The following MOB3B variants were observed in gnomAD, a reference collection of about 807,000 sequenced individuals.
The protein encoded by MOB3B is MOB kinase activator-like 2B.
MOB3B carries 7 observed loss-of-function variants against 18.7 expected under a neutral mutation model. The observed-to-expected ratio is 0.37, with a 90% CI of 0.21 to 0.70. MOB3B has a LOEUF of 0.70. Among genes scored for constraint, MOB3B ranks in the 30% least tolerant of loss-of-function variants. The pLI is 0.52. For missense variants in MOB3B, 253 were observed against 281.3 expected, an observed-to-expected ratio of 0.90 and a Z score of 0.72; for synonymous variants, 111 against 99.9, an observed-to-expected ratio of 1.11 and a Z score of -0.66.
chr9:27,481,956 T>C (rs1819664574), intron 1 of MOB3B, among the ~76,000 whole-genome samples: 1 of 152,166 alleles, frequency 6.6e-6, no homozygotes, highest in South Asian at 2.1e-4. Flanking sequence ...CATGAATTTT[T>C]TTTTAAAAAG....
chr9:27,518,813 G>A (rs909416896), intron 1 of MOB3B, among the ~76,000 whole-genome samples: 6 of 152,154 alleles, frequency 3.9e-5, no homozygotes, highest in Non-Finnish European at 7.3e-5. Context: ...TGCCTATACA[G>A]GTTATTACTG....
chr9:27,359,060 T>C lies in MOB3B; in HGVS notation c.595A>G (p.Ile199Val). The change falls in exon 3 of 4, where the codon ATA becomes GTA. Residue 199 changes from isoleucine (I) to valine (V), a missense_variant. Ile to Val is a conservative substitution (Grantham distance 29). Coordinates refer to ENST00000262244, the MANE Select transcript of MOB3B (RefSeq NM_024761.5). Reference protein sequence around the residue: ...FYYFVTEMNLIDRKELEPLKE... With the variant: ...FYYFVTEMNLVDRKELEPLKE... The stretch of plus-strand genomic sequence containing the variant: ...AAAGGCTCTAGCTCCTTGCGGTCTA[T>C]GAGGTTCATCTCTGTGACAAAGTAA... 2 of 1,613,978 alleles carry C rather than the reference T, an allele frequency of 1.2e-6. No homozygotes were observed. The highest frequency in any genetic ancestry group is 1.7e-6 in the Non-Finnish European group (2 of 1,179,832).
chr9:27,467,955 G>C (rs182404054), intron 1 of MOB3B, among the ~76,000 whole-genome samples: 1 of 152,172 alleles, frequency 6.6e-6, no homozygotes, highest in Non-Finnish European at 1.5e-5. Flanking sequence ...AGGGAAGAGT[G>C]GTGTGACTTG....
intron 1 of MOB3B, among the ~76,000 whole-genome samples, chr9:27,463,920 G>A (rs903418102): frequency 3.3e-5 from 5 of 151,918 alleles, no homozygotes; most frequent in African/African-American, 7.3e-5. Context: ...TTGCACCACC[G>A]TGCTCCAGCC....
intron 2 of MOB3B, among the ~76,000 whole-genome samples, chr9:27,386,679 T>C (rs1110154): frequency 0.29 from 43,873 of 152,144 alleles, 7,621 homozygotes; most frequent in East Asian, 0.79. Flanking sequence ...CCCTTAAGGC[T>C]CAGTCTGCCT....
intron 2 of MOB3B, among the ~76,000 whole-genome samples, chr9:27,394,715 G>GTAA (rs1298361987): frequency 6.6e-6 from 1 of 152,110 alleles, no homozygotes; most frequent in Non-Finnish European, 1.5e-5. Flanking sequence ...TGGCAGAGAA[G>GTAA]TAATTAACTT....
At chr9:27,500,207 C>T (rs1372581816) in intron 1 of MOB3B, among the ~76,000 whole-genome samples, 1 of 152,068 alleles carries the variant, frequency 6.6e-6, no homozygotes, top group African/African-American at 2.4e-5. Flanking sequence ...GTTTCAAATT[C>T]CCTGTGCTGG....
chr9:27,456,836 G>A (rs1352456622), intron 1 of MOB3B, among the ~76,000 whole-genome samples: 2 of 152,176 alleles, frequency 1.3e-5, no homozygotes, highest in African/African-American at 2.4e-5. Flanking sequence ...TGTGACTGAG[G>A]AACAGAATTC....
chr9:27,409,641 A>G (rs370263012), intron 2 of MOB3B, among the ~76,000 whole-genome samples: 18 of 152,346 alleles, frequency 1.2e-4, no homozygotes, highest in African/African-American at 4.1e-4. Context: ...CTCAATGGTC[A>G]TCTAGTAGCA....
intron 1 of MOB3B, among the ~76,000 whole-genome samples, chr9:27,488,758 CA>C (rs1819769665): frequency 6.6e-6 from 1 of 152,186 alleles, no homozygotes; most frequent in African/African-American, 2.4e-5. Flanking sequence ...GTAGCACTGA[CA>C]ACCAAACAGG....
chr9:27,440,729 C>CTT (rs140359435), intron 2 of MOB3B, among the ~76,000 whole-genome samples: 39 of 143,070 alleles, frequency 2.7e-4, no homozygotes, highest in African/African-American at 8.4e-4. Flanking sequence ...TCAGAAGATT[C>CTT]ATTTTTTTTT....
intron 2 of MOB3B, among the ~76,000 whole-genome samples, chr9:27,429,843 A>G (rs1822392043): frequency 6.6e-6 from 1 of 152,124 alleles, no homozygotes. Flanking sequence ...CACCAGGTAA[A>G]AGCACAGATG....
chr9:27,458,036 T>C (rs765110904), intron 1 of MOB3B, among the ~76,000 whole-genome samples: 1 of 152,112 alleles, frequency 6.6e-6, no homozygotes, highest in Non-Finnish European at 1.5e-5. Flanking sequence ...ACTTGTTTTT[T>C]AAAAAAACAG....
chr9:27,422,429 C>T (rs1056253726), intron 2 of MOB3B, among the ~76,000 whole-genome samples: 2 of 152,180 alleles, frequency 1.3e-5, no homozygotes, highest in African/African-American at 4.8e-5. Context: ...TATCTTGGTT[C>T]CACCTCTCTA....
chr9:27,450,151 A>G (rs992735444), intron 2 of MOB3B, among the ~76,000 whole-genome samples: 1 of 152,150 alleles, frequency 6.6e-6, no homozygotes, highest in African/African-American at 2.4e-5. Flanking sequence ...TCTCATCGGA[A>G]AGGTTACCAA....
intron 2 of MOB3B, among the ~76,000 whole-genome samples, chr9:27,451,389 GGGAAACTAT>G (rs1822779965): frequency 1.3e-5 from 2 of 152,186 alleles, no homozygotes; most frequent in African/African-American, 4.8e-5. Context: ...GAGAGAGTAA[GGGAAACTAT>G]GGTTTACAAG....
chr9:27,491,343 C>T (rs1160431382), intron 1 of MOB3B, among the ~76,000 whole-genome samples: 2 of 152,102 alleles, frequency 1.3e-5, no homozygotes, highest in South Asian at 2.1e-4. Flanking sequence ...AAAAAGTTTT[C>T]TCCACAGATG....
At chr9:27,493,795 G>A (rs1042617209) in intron 1 of MOB3B, among the ~76,000 whole-genome samples, 1 of 152,106 alleles carries the variant, frequency 6.6e-6, no homozygotes, top group Non-Finnish European at 1.5e-5. Flanking sequence ...TGCACAAATT[G>A]TACAGCATGT....
intron 1 of MOB3B, among the ~76,000 whole-genome samples, chr9:27,468,394 T>A (rs991943992): frequency 6.6e-6 from 1 of 152,190 alleles, no homozygotes; most frequent in Non-Finnish European, 1.5e-5. Flanking sequence ...AAACTTTCTA[T>A]CCACTCAGAT....
Sources: gnomAD v4.1 joint callset for allele counts (sites outside exome capture counted in the v4.1 genomes callset) on GRCh38, gnomAD v4.1.1 for gene constraint, MANE v1.5 for transcripts, NCBI Gene and HGNC (gene_info 2026-07-23, HGNC 2026-07-21) for gene names.